Variants in ITFG1 observed in about 807,000 individuals in gnomAD.
ITFG1 encodes integrin alpha FG-GAP repeat containing 1.
ITFG1 carries 34 observed loss-of-function variants against 81.8 expected under a neutral mutation model. That is an observed-to-expected ratio of 0.42 (90% CI 0.32 to 0.55). The LOEUF is 0.55. Among genes scored for constraint, ITFG1 ranks in the 20% least tolerant of loss-of-function variants. The pLI is 0.17. For missense variants in ITFG1, 672 were observed against 755.4 expected (o/e 0.89, Z 1.29); for synonymous variants, 285 against 270.6 (o/e 1.05, Z -0.52).
At chr16:47,326,963 G>C (rs1967555956) in intron 8 of ITFG1, among the ~76,000 whole-genome samples, 1 of 152,012 alleles carries the variant, frequency 6.6e-6, no homozygotes, top group Non-Finnish European at 1.5e-5. Context: ...TCACAGAATT[G>C]GAAAAAACTA....
chr16:47,346,877 G>A (rs1314139585), intron 8 of ITFG1, among the ~76,000 whole-genome samples: 1 of 152,180 alleles, frequency 6.6e-6, no homozygotes, highest in Admixed American at 6.6e-5. Context: ...CCAGAAAACT[G>A]GAGAGGAGGG....
In ITFG1 at chr16:47,461,036, C is replaced by T. The variant is rs1404007544; in HGVS notation, c.10G>A (p.Ala4Thr). The T allele has an allele frequency of 5.8e-6, 9 of 1,540,800 alleles. 1 individual carries two copies. Among genetic ancestry groups the T allele is most frequent in the Non-Finnish European group, 7.9e-6 (9 of 1,145,598 alleles). Residue 4 changes from alanine to threonine, a missense_variant, in exon 1 of 18, where the codon GCG becomes ACG. Ala to Thr is a moderately conservative substitution (Grantham distance 58). This residue lies in a region of ITFG1 where 47 missense variants were observed against 26.4 expected (regional missense o/e 1.78). Coordinates refer to ENST00000320640, the MANE Select transcript of ITFG1 (RefSeq NM_030790.5). Reference sequence around the variant, plus strand: ...GCCCAGGAGCTCGGGAGCCGGCCCGCCGCCGCCATGGCAGCCCCTCAGCCC... The same window carrying T: ...GCCCAGGAGCTCGGGAGCCGGCCCGTCGCCGCCATGGCAGCCCCTCAGCCC... MAA[A>T]GRLPSSWALF... is the part of the protein sequence containing the mutation.
chr16:47,417,910 G>C (rs1350788107), intron 6 of ITFG1, among the ~76,000 whole-genome samples: 4 of 152,126 alleles, frequency 2.6e-5, no homozygotes, highest in African/African-American at 9.7e-5. Context: ...GGGATTGCTG[G>C]ATGGTATGGT....
At chr16:47,383,038 CT>C (rs900234602) in intron 6 of ITFG1, among the ~76,000 whole-genome samples, 2 of 152,172 alleles carry the variant, frequency 1.3e-5, no homozygotes, top group African/African-American at 4.8e-5. Context: ...TCCTCTACCC[CT>C]GTGAGGTCAG....
At chr16:47,188,388 A>C (rs1174989885) in intron 14 of ITFG1, among the ~76,000 whole-genome samples, 2 of 151,428 alleles carry the variant, frequency 1.3e-5, no homozygotes, top group Non-Finnish European at 3.0e-5. Context: ...GATAGACTGG[A>C]TTAAGAAAAT....
intron 7 of ITFG1, among the ~76,000 whole-genome samples, chr16:47,368,577 AAAAAAAAAG>A (rs1170993912): frequency 1.3e-5 from 2 of 150,524 alleles, no homozygotes; most frequent in East Asian, 3.9e-4. Context: ...AAAAAAAAAA[AAAAAAAAAG>A]ATCACAGCAT....
At chr16:47,272,472 C>T (rs1238223238) in intron 10 of ITFG1, among the ~76,000 whole-genome samples, 5 of 151,782 alleles carry the variant, frequency 3.3e-5, no homozygotes, top group East Asian at 1.9e-4. Context: ...CTCGGTTCAC[C>T]GCAATCTCTG....
At chr16:47,216,444 G>T (rs377723039) in intron 14 of ITFG1, among the ~76,000 whole-genome samples, 1 of 151,468 alleles carries the variant, frequency 6.6e-6, no homozygotes, top group Non-Finnish European at 1.5e-5. Context: ...CAGGTGATCC[G>T]CCCACCTTGG....
chr16:47,361,070 T>G (rs923920749), intron 8 of ITFG1, among the ~76,000 whole-genome samples: 2 of 152,198 alleles, frequency 1.3e-5, no homozygotes, highest in African/African-American at 4.8e-5. Flanking sequence ...GAATGACAGT[T>G]TTCCATTTTC....
chr16:47,431,313 C>T (rs117548127), intron 5 of ITFG1, among the ~76,000 whole-genome samples: 13 of 152,298 alleles, frequency 8.5e-5, no homozygotes, highest in African/African-American at 2.4e-4. Context: ...TCATGAGCTC[C>T]GTCGCCTGTC....
rs867888752 is a variant in ITFG1, at chr16:47,397,976, T to A, written c.656-22036A>T. On this transcript the variant is annotated intron_variant, in intron 6 of 17. Coordinates refer to ENST00000320640, the MANE Select transcript of ITFG1 (RefSeq NM_030790.5). ...TACACTTGGAGCCTTATCAATAATT[T>A]ATCTTTTCAGTTTACAAGCACTCTC... Among the ~76,000 whole-genome samples the A allele has an allele frequency of 3.9e-5, 6 of 152,344 alleles. No individual in the cohort carries two copies. The Middle Eastern group carries it at 0.01, about 259-fold the overall frequency.
intron 10 of ITFG1, among the ~76,000 whole-genome samples, chr16:47,296,128 G>T (rs1966977820): frequency 6.6e-6 from 1 of 151,454 alleles, no homozygotes; most frequent in East Asian, 1.9e-4. Context: ...GTAGAGGTAG[G>T]TCTCGCTATG....
chr16:47,361,511 A>G (rs1333568098), intron 8 of ITFG1, among the ~76,000 whole-genome samples: 2 of 152,222 alleles, frequency 1.3e-5, no homozygotes, highest in African/African-American at 4.8e-5. Flanking sequence ...ACAGTTTAAA[A>G]GGAAGATATA....
At chr16:47,184,592 AC>A (rs1965184063) in intron 14 of ITFG1, among the ~76,000 whole-genome samples, 1 of 152,102 alleles carries the variant, frequency 6.6e-6, no homozygotes, top group Non-Finnish European at 1.5e-5. Context: ...AGATTTTGTC[AC>A]CACCAGGCCT....
At chr16:47,176,197 C>A (rs1033692046) in intron 14 of ITFG1, among the ~76,000 whole-genome samples, 1 of 152,140 alleles carries the variant, frequency 6.6e-6, no homozygotes. Context: ...CTGGCTCATT[C>A]CAGATAGTTC....
chr16:47,457,646 G>T (rs1023638111), intron 2 of ITFG1, among the ~76,000 whole-genome samples: 10 of 152,044 alleles, frequency 6.6e-5, no homozygotes, highest in Non-Finnish European at 1.5e-4. Context: ...TTTTTACTTT[G>T]AAAAATATTT....
intron 8 of ITFG1, among the ~76,000 whole-genome samples, chr16:47,351,247 A>G (rs1257887236): frequency 1.3e-5 from 2 of 152,220 alleles, no homozygotes; most frequent in East Asian, 3.8e-4. Flanking sequence ...AGGGTATTCA[A>G]TTAGGAAAAG....
intron 14 of ITFG1, among the ~76,000 whole-genome samples, chr16:47,203,387 G>A (rs1401396492): frequency 6.6e-6 from 1 of 152,158 alleles, no homozygotes; most frequent in African/African-American, 2.4e-5. Context: ...GATGATTCAA[G>A]CACATTACAT....
Position 47,365,782 on chromosome 16 carries a change from T to C in ITFG1, c.802+6A>G. On this transcript the variant is annotated splice_donor_region_variant and intron_variant, in intron 8 of 17. Coordinates refer to ENST00000320640, the MANE Select transcript of ITFG1 (RefSeq NM_030790.5). ...GCCTTTTTTTTTTTTTTTTACCAAA[T>C]CTTACCAAAGTCTGCAAATGCTGAC... 6.9e-7 allele frequency: 1 copy of C among 1,454,040 alleles called. No homozygotes were observed. Among genetic ancestry groups the C allele is most frequent in the Non-Finnish European group, 9.6e-7 (1 of 1,043,796 alleles). 90.1% of individuals were successfully genotyped at this position (1,454,040 alleles called of 1,614,324 possible). A position where few individuals can be genotyped will look rare whatever the true frequency, so the allele number is the denominator to read the frequency against.
Sources: gnomAD v4.1 joint callset for allele counts (sites outside exome capture counted in the v4.1 genomes callset) on GRCh38, gnomAD v4.1.1 for gene constraint, gnomAD v4.1.1 regional missense constraint, MANE v1.5 for transcripts, NCBI Gene and HGNC (gene_info 2026-07-23, HGNC 2026-07-21) for gene names.